ACSL6: variants seen among roughly 807,000 people sequenced by gnomAD.
ACSL6 encodes the protein long-chain-fatty-acid--CoA ligase 6.
In ACSL6, 47 loss-of-function variants were observed where a neutral mutation model predicts 98.2. The ratio of observed to expected loss-of-function variants is 0.48; its 90% CI spans 0.38 to 0.61. The LOEUF (loss-of-function observed/expected upper bound fraction) is 0.61, where lower values mean the gene tolerates loss of function less well. Among genes scored for constraint, ACSL6 ranks in the 20% least tolerant of loss-of-function variants. ACSL6 has a pLI of 0.00. For missense variants in ACSL6, 761 were observed against 913.4 expected, an observed-to-expected ratio of 0.83 and a Z score of 2.15; for synonymous variants, 362 against 336.9, an observed-to-expected ratio of 1.07 and a Z score of -0.82.
At chr5:132,005,767 A>G (rs1245001707) in intron 1 of ACSL6, among the ~76,000 whole-genome samples, 1 of 152,180 alleles carries the variant, frequency 6.6e-6, no homozygotes, top group Non-Finnish European at 1.5e-5. Flanking sequence ...AGCAGAGCTG[A>G]GTCTTGATCA....
chr5:131,963,228 C>A (rs1240207611), intron 17 of ACSL6, among the ~76,000 whole-genome samples: 1 of 152,180 alleles, frequency 6.6e-6, no homozygotes, highest in African/African-American at 2.4e-5. Flanking sequence ...GAGCCCAGGC[C>A]CCTGTAGGAC....
At chr5:131,974,786 A>G in intron 11 of ACSL6, 107 bp downstream of exon 11, 1 of 1,612,026 alleles carries the variant, frequency 6.2e-7, no homozygotes, top group South Asian at 1.1e-5. Context: ...CATGTGTGCT[A>G]AAGGCAAATA....
intron 2 of ACSL6, among the ~76,000 whole-genome samples, chr5:131,992,545 C>A (rs1754581409): frequency 6.6e-6 from 1 of 152,168 alleles, no homozygotes; most frequent in Admixed American, 6.5e-5. Context: ...CATCCCATGT[C>A]CTGTCTTCCA....
In ACSL6 at chr5:131,999,625, G is replaced by A. The variant is rs112766237; in HGVS notation, c.50-5374C>T. On this transcript the variant is annotated intron_variant, in intron 1 of 20. Coordinates refer to ENST00000651883, the MANE Select transcript of ACSL6 (RefSeq NM_001009185.3). ...TGAGAAGCCGGGTGGTGGTAGAGCC[G>A]TTAGCAGTGGTAGCACAGGCTCCCT... 3.5e-3 allele frequency: 528 copies of A among 152,478 alleles called. 6 individuals are homozygous for A. The highest frequency in any genetic ancestry group is 5.2e-3 in the Non-Finnish European group (356 of 68,124). 9.4% of individuals were successfully genotyped at this position (152,478 alleles called of 1,614,324 possible).
chr5:131,977,655 T>C (rs1392931727), intron 9 of ACSL6, among the ~76,000 whole-genome samples: 2 of 152,134 alleles, frequency 1.3e-5, no homozygotes, highest in African/African-American at 4.8e-5. Flanking sequence ...CAGCCAGAGA[T>C]GTTAAATCAG....
chr5:131,968,711 T>C (rs1580640465), intron 15 of ACSL6, among the ~76,000 whole-genome samples: 1 of 152,178 alleles, frequency 6.6e-6, no homozygotes, highest in African/African-American at 2.4e-5. Context: ...TGATTGTGGT[T>C]GTTAGATAAT....
At chr5:131,985,359 G>A (rs1754118993) in intron 9 of ACSL6, 48 bp downstream of exon 9, 1 of 1,610,908 alleles carries the variant, frequency 6.2e-7, no homozygotes, top group East Asian at 2.2e-5. Context: ...AGGCCACCAG[G>A]GAAGGGTGCA....
intron 1 of ACSL6, among the ~76,000 whole-genome samples, chr5:131,997,557 G>T (rs1754855919): frequency 6.6e-6 from 1 of 152,222 alleles, no homozygotes; most frequent in Non-Finnish European, 1.5e-5. Context: ...TGTATGAGGG[G>T]ACCAGCCAGT....
chr5:131,975,824 G>A, intron 10 of ACSL6: 1 of 985,464 alleles, frequency 1.0e-6, no homozygotes, highest in Non-Finnish European at 1.2e-6. Flanking sequence ...CTTTGCAGAG[G>A]CCTTCACTCT....
At position 131,990,163 on chromosome 5, in the gene ACSL6, C is replaced by A; in HGVS notation, c.387G>T (p.Gly129=). The A allele has an allele frequency of 6.2e-7, 1 of 1,613,968 alleles. No individual in the cohort carries two copies. The highest frequency in any genetic ancestry group is 8.5e-7 in the Non-Finnish European group (1 of 1,179,926). The change falls in exon 4 of 21, where the codon GGG becomes GGT. Residue 129 remains glycine, a splice_region_variant and synonymous_variant. Coordinates refer to ENST00000651883, the MANE Select transcript of ACSL6 (RefSeq NM_001009185.3). The part of the protein sequence containing the change: ...QVFRRGLSIS[G]NGPCLGFRKP... ...TCCTGAAACCAAGACAGGGCCCATT[C>A]CCTGTAGAGAGATAAGAAAGCCTTG...
At chr5:132,012,159 G>A, upstream of ACSL6, 1 of 481,944 alleles carries the variant, frequency 2.1e-6, no homozygotes. Flanking sequence ...ACCCGAGTTT[G>A]CAGACATGGG....
chr5:131,954,076 A>G lies in ACSL6; in HGVS notation c.*158T>C. On this transcript the variant is annotated 3_prime_UTR_variant, in exon 21 of 21. Coordinates refer to ENST00000651883, the MANE Select transcript of ACSL6 (RefSeq NM_001009185.3). Reference sequence around the variant, plus strand: ...AATAAAATATACTCATTGATGATAGAGAAAATATTGTTAAAGACCTCTTGG... The same window carrying G: ...AATAAAATATACTCATTGATGATAGGGAAAATATTGTTAAAGACCTCTTGG... The G allele has an allele frequency of 1.8e-6, 1 of 568,810 alleles. No individual in the cohort carries two copies. The highest frequency in any genetic ancestry group is 2.7e-6 in the Non-Finnish European group (1 of 369,006). 35.2% of individuals were successfully genotyped at this position (568,810 alleles called of 1,614,324 possible).
intron 10 of ACSL6, chr5:131,975,799 C>T (rs945991252): frequency 2.0e-6 from 2 of 985,352 alleles, no homozygotes; most frequent in African/African-American, 1.7e-5. Context: ...TGCTGGACTT[C>T]CCTGCTCTCC....
intron 19 of ACSL6, 48 bp from the exon 20 acceptor site, chr5:131,959,655 A>G: frequency 1.3e-6 from 2 of 1,569,164 alleles, no homozygotes; most frequent in African/African-American, 2.7e-5. Flanking sequence ...ACACATTTCA[A>G]AATGGAGGTA....
intron 9 of ACSL6, among the ~76,000 whole-genome samples, chr5:131,978,294 G>A (rs935615859): frequency 2.6e-5 from 4 of 152,180 alleles, no homozygotes; most frequent in Non-Finnish European, 4.4e-5. Context: ...CAGGCAGCAG[G>A]CAACCCAAGG....
chr5:131,957,803 C>T (rs1215892842), intron 20 of ACSL6, among the ~76,000 whole-genome samples: 2 of 152,212 alleles, frequency 1.3e-5, no homozygotes, highest in Admixed American at 6.5e-5. Flanking sequence ...CCTCCTCAGG[C>T]ATGAGGCCTG....
rs1179032266 is a variant in ACSL6 at position 131,953,706 on chromosome 5, T to G, written c.*528A>C. The G allele has an allele frequency of 1.0e-5, 2 of 192,230 alleles. No individual in the cohort carries two copies. Among genetic ancestry groups the G allele is most frequent in the Admixed American group, 1.2e-4 (2 of 16,298 alleles). 11.9% of individuals were successfully genotyped at this position (192,230 alleles called of 1,614,324 possible). A position where few individuals can be genotyped will look rare whatever the true frequency, so the allele number is the denominator to read the frequency against. On this transcript the variant is annotated 3_prime_UTR_variant, in exon 21 of 21. Transcript: ENST00000651883. The stretch of plus-strand genomic sequence containing the variant: ...CATATGACAATGTGGATTGTCATGT[T>G]TAAAGACTCTGAAGTTACGTAGACT...
rs375567058 is a variant in ACSL6, at chr5:131,966,360, CCA to C, written c.1713+54_1713+55del. The C allele has an allele frequency of 1.7e-5, 26 of 1,556,940 alleles. No individual in the cohort carries two copies. In the African/African-American group the frequency reaches 3.1e-4, roughly 19 times the overall value. On this transcript the variant is annotated intron_variant, in intron 17 of 20. Transcript: ENST00000651883. ...AAGACTCCTGCCTCAGTGACCCGGACCACACACCCTCCCACTGCCAAATGTTT... is the reference window on the plus strand; with the variant it reads ...AAGACTCCTGCCTCAGTGACCCGGACCACACCCTCCCACTGCCAAATGTTT...
intron 6 of ACSL6, 143 bp from the exon 7 acceptor site, chr5:131,988,369 C>T: frequency 7.8e-7 from 1 of 1,284,710 alleles, no homozygotes; most frequent in Non-Finnish European, 1.1e-6. Flanking sequence ...ATAAGACAGG[C>T]CTCGTGTACA....
Sources: gnomAD v4.1 joint callset for allele counts (sites outside exome capture counted in the v4.1 genomes callset) on GRCh38, gnomAD v4.1.1 for gene constraint, MANE v1.5 for transcripts, NCBI Gene and HGNC (gene_info 2026-07-23, HGNC 2026-07-21) for gene names.